The following B4GALNT3 variants were observed in gnomAD, a reference collection of about 807,000 sequenced individuals.
B4GALNT3 encodes beta-1,4-N-acetylgalactosaminyltransferase 3.
B4GALNT3 carries 86 observed loss-of-function variants against 120.2 expected under a neutral mutation model. The observed-to-expected ratio is 0.72, with a 90% CI of 0.60 to 0.86. The LOEUF is 0.86. Ranked by LOEUF, B4GALNT3 falls within the 40% of genes least tolerant of loss-of-function variation. The pLI, the probability that B4GALNT3 is intolerant of heterozygous loss-of-function variation, is 0.00. For synonymous variants in B4GALNT3, 518 were observed against 510.4 expected, an observed-to-expected ratio of 1.01 and a Z score of -0.20; for missense variants, 1,167 against 1,298.9, an observed-to-expected ratio of 0.90 and a Z score of 1.56.
At chr12:512,462 C>T (rs548466733) in intron 1 of B4GALNT3, among the ~76,000 whole-genome samples, 2,134 of 140,050 alleles carry the variant, frequency 0.015, 78 homozygotes, top group African/African-American at 0.055. Flanking sequence ...TTCCACCTTC[C>T]ACCTTCCGCC....
intron 12 of B4GALNT3, 130 bp from the exon 13 acceptor site, chr12:552,333 ACACC>A (rs1361916974): frequency 3.7e-6 from 3 of 810,416 alleles, no homozygotes; most frequent in South Asian, 1.6e-5. Context: ...ACACACACAC[ACACC>A]CGCTCACCAG....
chr12:531,847 T>TG lies in B4GALNT3; in HGVS notation c.170-3315dup, dbSNP rs569677897. Among the ~76,000 whole-genome samples, 15 of 152,288 alleles carry TG rather than the reference T, an allele frequency of 9.8e-5. No homozygotes were observed. The East Asian group carries it at 2.7e-3, about 27-fold the overall frequency. ...AATTTAATCTTCACAGCAGTCCCTG[T>TG]GGGGCAGGTGTTTTTATTTCCACCA... On this transcript the variant is annotated intron_variant, in intron 1 of 19. Coordinates refer to ENST00000266383, the MANE Select transcript of B4GALNT3 (RefSeq NM_173593.4).
Position 536,280 on chromosome 12 carries a change from C to T in B4GALNT3, c.336C>T (p.Val112=). The part of the protein sequence containing the change: ...NSSYLKWNKP[V]PWLSEFRGRA... ...GCTACTTGAAGTGGAACAAGCCTGT[C>T]CCCTGGCTCTCAGAGGTGAGGGACT... The change falls in exon 3 of 20, where the codon GTC becomes GTT. Residue 112 remains valine, a synonymous_variant. Transcript: ENST00000266383. 6.2e-7 allele frequency: 1 copy of T among 1,613,414 alleles called. No homozygotes were observed. The highest frequency in any genetic ancestry group is 1.7e-5 in the Admixed American group (1 of 60,010).
intron 3 of B4GALNT3, among the ~76,000 whole-genome samples, chr12:542,327 C>T (rs1052212171): frequency 5.9e-5 from 9 of 152,056 alleles, no homozygotes; most frequent in Non-Finnish European, 1.2e-4. Context: ...TCGGGCACTC[C>T]TGTTGAGGAG....
At chr12:514,110 C>T (rs533539330) in intron 1 of B4GALNT3, among the ~76,000 whole-genome samples, 1 of 152,012 alleles carries the variant, frequency 6.6e-6, no homozygotes, top group Non-Finnish European at 1.5e-5. Context: ...TTTTCCAAAT[C>T]GGCTACACCA....
At chr12:481,152 G>A (rs1004934306) in intron 1 of B4GALNT3, among the ~76,000 whole-genome samples, 1 of 152,204 alleles carries the variant, frequency 6.6e-6, no homozygotes, top group African/African-American at 2.4e-5. Flanking sequence ...TTCACCAGAG[G>A]TGCCCCTGGA....
intron 11 of B4GALNT3, among the ~76,000 whole-genome samples, chr12:551,499 ACT>A (rs1393793619): frequency 6.6e-6 from 1 of 152,052 alleles, no homozygotes; most frequent in Non-Finnish European, 1.5e-5. Context: ...CAGCGTGGCC[ACT>A]CTCCTGTGCA....
At chr12:544,652 C>G (rs1339646617) in intron 4 of B4GALNT3, among the ~76,000 whole-genome samples, 3 of 152,160 alleles carry the variant, frequency 2.0e-5, no homozygotes, top group African/African-American at 7.2e-5. Context: ...CTCTGGCTCA[C>G]AATATAGTGT....
chr12:553,662 C>T lies in B4GALNT3; in HGVS notation c.1739C>T (p.Pro580Leu). Residue 580 changes from proline to leucine, a missense_variant, in exon 14 of 20, where the codon CCT (proline) becomes CTT (leucine). This residue lies in a region of B4GALNT3 where 983 missense variants were observed against 1,102.5 expected (regional missense o/e 0.89). Transcript: ENST00000266383. Reference sequence around the variant, plus strand: ...CAGAGACGGGGTGACAGGATGCGGCCTCAGGCCCCTGGAAGGGGCTGGCAT... The same window carrying T: ...CAGAGACGGGGTGACAGGATGCGGCTTCAGGCCCCTGGAAGGGGCTGGCAT... ...AEQRRGDRMR[P>L]QAPGRGWHGE... 1 of 1,614,046 alleles carries T rather than the reference C, an allele frequency of 6.2e-7. No homozygotes were observed. Among genetic ancestry groups the T allele is most frequent in the Non-Finnish European group, 8.5e-7 (1 of 1,179,928 alleles).
At chr12:474,270 C>G (rs1350961233) in intron 1 of B4GALNT3, among the ~76,000 whole-genome samples, 1 of 152,210 alleles carries the variant, frequency 6.6e-6, no homozygotes, top group Non-Finnish European at 1.5e-5. Flanking sequence ...ATCACAAACC[C>G]AGATCCCAAA....
chr12:501,187 G>C (rs1412666231), intron 1 of B4GALNT3, among the ~76,000 whole-genome samples: 3 of 151,940 alleles, frequency 2.0e-5, no homozygotes, highest in African/African-American at 7.3e-5. Flanking sequence ...CTTTTTACTT[G>C]GCTAAGTATT....
intron 1 of B4GALNT3, among the ~76,000 whole-genome samples, chr12:511,719 C>CCTTCCGCCTTCCGCCTTCCACCTTCTGT (rs1479859275): frequency 2.3e-4 from 32 of 136,938 alleles, no homozygotes; most frequent in Non-Finnish European, 3.8e-4. Flanking sequence ...CCACCTTCCG[C>CCTTCCGCCTTCCGCCTTCCACCTTCTGT]CTTCCACCTT....
At position 476,706 on chromosome 12, in the gene B4GALNT3, A is replaced by C. The variant is rs74506471; in HGVS notation, c.169+16161A>C. Among the ~76,000 whole-genome samples the C allele has an allele frequency of 1.2e-4, 19 of 152,322 alleles. No homozygotes were observed. In the East Asian group the frequency reaches 3.7e-3, roughly 29 times the overall value. Reference sequence around the variant, plus strand: ...CAGTAGATGTTAGGCGCCATTGTTTATTATAACTTAATCAGCTTTTCAATA... The same window carrying C: ...CAGTAGATGTTAGGCGCCATTGTTTCTTATAACTTAATCAGCTTTTCAATA... On this transcript the variant is annotated intron_variant, in intron 1 of 19. Transcript: ENST00000266383.
At chr12:513,736 C>T (rs1946622643) in intron 1 of B4GALNT3, among the ~76,000 whole-genome samples, 1 of 152,246 alleles carries the variant, frequency 6.6e-6, no homozygotes, top group Non-Finnish European at 1.5e-5. Flanking sequence ...TCCAGCACCT[C>T]TGACAATAGC....
chr12:558,097 C>T lies in B4GALNT3; in HGVS notation c.2607+9C>T. ...GCATAGACCTCGTGAAGGTAAAGGG[C>T]CTGGATGGGGCCTGCGAGATGGAAT... is the stretch of plus-strand genomic sequence containing the variant. On this transcript the variant is annotated intron_variant, in intron 17 of 19. Coordinates refer to ENST00000266383, the MANE Select transcript of B4GALNT3 (RefSeq NM_173593.4). 1.2e-6 allele frequency: 2 copies of T among 1,613,304 alleles called. No homozygotes were observed. The highest frequency in any genetic ancestry group is 2.2e-5 in the South Asian group (2 of 91,076).
intron 1 of B4GALNT3, among the ~76,000 whole-genome samples, chr12:533,160 C>T (rs887543643): frequency 6.6e-6 from 1 of 152,218 alleles, no homozygotes; most frequent in Non-Finnish European, 1.5e-5. Flanking sequence ...AGCAGATCCT[C>T]AGGGCTGGGA....
intron 1 of B4GALNT3, among the ~76,000 whole-genome samples, chr12:500,865 CTTTTTTT>C (rs55927726): frequency 8.1e-5 from 5 of 61,812 alleles, no homozygotes; most frequent in African/African-American, 3.7e-4. Context: ...GGCTCCACTG[CTTTTTTT>C]TTTTTTTTTT....
chr12:535,191 C>T lies in B4GALNT3; in HGVS notation c.195C>T (p.Ala65=). The part of the protein sequence containing the change: ...NRRYGSWREL[A]KALASRNIPA... ...GGTACGGCAGCTGGAGAGAACTGGC[C>T]AAGGCTCTGGCCAGCAGGAACATTC... Residue 65 remains alanine, a synonymous_variant, in exon 2 of 20, where the codon GCC becomes GCT. Transcript: ENST00000266383. 2 of 1,613,690 alleles carry T rather than the reference C, an allele frequency of 1.2e-6. No individual in the cohort carries two copies. Among genetic ancestry groups the T allele is most frequent in the Non-Finnish European group, 1.7e-6 (2 of 1,179,870 alleles).
In B4GALNT3 at chr12:561,690, T is replaced by TG. The variant is rs1947233944; in HGVS notation, c.*240dup. The TG allele has an allele frequency of 2.0e-6, 1 of 502,884 alleles. No individual in the cohort carries two copies. Among genetic ancestry groups the TG allele is most frequent in the Non-Finnish European group, 3.6e-6 (1 of 278,982 alleles). The allele number at this position is 502,884 out of a possible 1,614,324, so 31.2% of individuals were successfully genotyped here. A position where few individuals can be genotyped will look rare whatever the true frequency, so the allele number is the denominator to read the frequency against. ...GAGAGAGAGGCCAGGAGGGACCACT[T>TG]GCTCAGTCGAGAACGGGAAGAGCTC... On this transcript the variant is annotated 3_prime_UTR_variant, in exon 20 of 20. Coordinates refer to ENST00000266383, the MANE Select transcript of B4GALNT3 (RefSeq NM_173593.4).
Sources: gnomAD v4.1 joint callset for allele counts (sites outside exome capture counted in the v4.1 genomes callset) on GRCh38, gnomAD v4.1.1 for gene constraint, gnomAD v4.1.1 regional missense constraint, MANE v1.5 for transcripts, NCBI Gene and HGNC (gene_info 2026-07-23, HGNC 2026-07-21) for gene names.